ZMYND11: variants seen among roughly 807,000 people sequenced by gnomAD.
The protein encoded by ZMYND11 is zinc finger MYND-type containing 11, also known as zinc finger MYND domain-containing protein 11.
A neutral mutation model predicts 84.9 loss-of-function variants in ZMYND11; 9 were observed. The observed-to-expected ratio is 0.11, with a 90% CI of 0.06 to 0.18. The LOEUF (loss-of-function observed/expected upper bound fraction) is 0.18, where lower values mean the gene tolerates loss of function less well. Among genes scored for constraint, ZMYND11 ranks in the 10% least tolerant of loss-of-function variants. The probability of loss-of-function intolerance (pLI) is 1.00; values close to 1 mark genes in which losing one functional copy is unlikely to be tolerated. For missense variants in ZMYND11, 409 were observed against 761.0 expected (o/e 0.54, Z 5.44); for synonymous variants, 250 against 244.1 (o/e 1.02, Z -0.23).
chr10:160,618 A>G (rs1343042683), intron 1 of ZMYND11, among the ~76,000 whole-genome samples: 1 of 152,106 alleles, frequency 6.6e-6, no homozygotes, highest in Non-Finnish European at 1.5e-5. Flanking sequence ...CTCCAACCCT[A>G]CTGCTGCTTT....
Position 217,438 on chromosome 10 carries a change from G to T in ZMYND11, c.277-3757G>T, listed in dbSNP as rs1946369095. ...CTTGGGAAGCTGAGGCGCAAGAATTGCTGGAACCTGGGAGGCGGAGGTTGC... is the reference window on the plus strand; with the variant it reads ...CTTGGGAAGCTGAGGCGCAAGAATTTCTGGAACCTGGGAGGCGGAGGTTGC... On this transcript the variant is annotated intron_variant, in intron 3 of 14. Transcript: ENST00000381604. 1.3e-5 allele frequency among the ~76,000 whole-genome samples: 2 copies of T among 151,752 alleles called. 1 individual carries two copies. Among genetic ancestry groups the T allele is most frequent in the South Asian group, 4.2e-4 (2 of 4,810 alleles).
intron 1 of ZMYND11, among the ~76,000 whole-genome samples, chr10:159,929 T>C (rs1424989844): frequency 6.6e-6 from 1 of 152,206 alleles, no homozygotes; most frequent in Non-Finnish European, 1.5e-5. Flanking sequence ...CATCTGCAAA[T>C]AGAAGATGTT....
chr10:226,452 A>AT (rs1221036270), intron 4 of ZMYND11, among the ~76,000 whole-genome samples: 1 of 152,132 alleles, frequency 6.6e-6, no homozygotes, highest in East Asian at 1.9e-4. Flanking sequence ...GTAGGCCCCT[A>AT]TTTCCTCCTC....
chr10:210,669 A>C (rs1431315572), intron 3 of ZMYND11, among the ~76,000 whole-genome samples: 1 of 152,228 alleles, frequency 6.6e-6, no homozygotes, highest in Non-Finnish European at 1.5e-5. Context: ...TTGATATTTT[A>C]ATCTGCTTCT....
At chr10:195,102 C>G (rs532289700) in intron 2 of ZMYND11, among the ~76,000 whole-genome samples, 9 of 152,280 alleles carry the variant, frequency 5.9e-5, no homozygotes, top group Admixed American at 3.3e-4. Flanking sequence ...AAACTGACTT[C>G]TGAACTGCAA....
At chr10:234,982 ATG>A (rs60483060) in intron 4 of ZMYND11, among the ~76,000 whole-genome samples, 6,502 of 148,930 alleles carry the variant, frequency 0.044, 197 homozygotes, top group African/African-American at 0.085. Context: ...TATTTCGCAA[ATG>A]TGTGTGTGTG....
Position 176,079 on chromosome 10 carries a change from CTTAAG to C in ZMYND11, c.-19-3912_-19-3908del, listed in dbSNP as rs1374967938. 2.6e-5 allele frequency among the ~76,000 whole-genome samples: 4 copies of C among 152,200 alleles called. No homozygotes were observed. In the East Asian group the frequency reaches 5.8e-4, roughly 22 times the overall value. On this transcript the variant is annotated intron_variant, in intron 1 of 14. Transcript: ENST00000381604. ...AACTTCTTGTTTAATTTTGCTTATT[CTTAAG>C]TTTTTTTCTGACGTGTTTTCTCCTT...
intron 1 of ZMYND11, among the ~76,000 whole-genome samples, chr10:152,139 A>C (rs536554689): frequency 6.6e-6 from 1 of 152,372 alleles, no homozygotes; most frequent in Non-Finnish European, 1.5e-5. Context: ...CATCAATGCT[A>C]GGAAGAAACT....
chr10:247,531 G>C, intron 12 of ZMYND11, 65 bp downstream of exon 12: 1 of 1,536,464 alleles, frequency 6.5e-7, no homozygotes, highest in African/African-American at 1.4e-5. Flanking sequence ...AAAGTATTTT[G>C]TATTTTCAAA....
intron 1 of ZMYND11, among the ~76,000 whole-genome samples, chr10:154,060 T>G (rs1280879064): frequency 6.6e-6 from 1 of 152,210 alleles, no homozygotes; most frequent in African/African-American, 2.4e-5. Flanking sequence ...TCACCACACT[T>G]ACTGTTTAAT....
chr10:214,454 C>T (rs938116708), intron 3 of ZMYND11, among the ~76,000 whole-genome samples: 1 of 152,086 alleles, frequency 6.6e-6, no homozygotes, highest in African/African-American at 2.4e-5. Flanking sequence ...AAAGTAAATG[C>T]ATAAAAAATT....
Position 163,741 on chromosome 10 carries a change from A to G in ZMYND11, c.-19-16253A>G, listed in dbSNP as rs377495633. Among the ~76,000 whole-genome samples the G allele has an allele frequency of 1.5e-4, 23 of 152,174 alleles. 1 individual carries two copies. In the South Asian group the frequency reaches 3.9e-3, roughly 26 times the overall value. On this transcript the variant is annotated intron_variant, in intron 1 of 14. Coordinates refer to ENST00000381604, the MANE Select transcript of ZMYND11 (RefSeq NM_001370100.5). ...TTCTTTATTGAGAAGCTAGTCTCAA[A>G]TACCTGGTTATCTGTGGCTGTCTGT...
At chr10:159,372 C>G (rs1431051720) in intron 1 of ZMYND11, among the ~76,000 whole-genome samples, 1 of 152,078 alleles carries the variant, frequency 6.6e-6, no homozygotes, top group African/African-American at 2.4e-5. Context: ...GTATGAGAAT[C>G]CCTATTTCCC....
chr10:194,300 C>T lies in ZMYND11; in HGVS notation c.116+14172C>T, dbSNP rs541864051. On this transcript the variant is annotated intron_variant, in intron 2 of 14. Transcript: ENST00000381604. Reference sequence around the variant, plus strand: ...CGAACTCCTGGGCTCAGGCAGACTACCCACCTCAGCCTCCCAAAGTGCTGG... The same window carrying T: ...CGAACTCCTGGGCTCAGGCAGACTATCCACCTCAGCCTCCCAAAGTGCTGG... 4.6e-5 allele frequency among the ~76,000 whole-genome samples: 7 copies of T among 152,012 alleles called. No individual in the cohort carries two copies. The East Asian group carries it at 5.8e-4, about 13-fold the overall frequency.
chr10:176,135 G>A (rs1223517875), intron 1 of ZMYND11, among the ~76,000 whole-genome samples: 1 of 152,050 alleles, frequency 6.6e-6, no homozygotes, highest in Admixed American at 6.6e-5. Context: ...CCTCACCCCA[G>A]TTTGTGTAGA....
chr10:236,819 ATTCTT>A lies in ZMYND11; in HGVS notation c.439-16_439-12del, dbSNP rs1564436088. On this transcript the variant is annotated splice_polypyrimidine_tract_variant and intron_variant, in intron 4 of 14. Transcript: ENST00000381604. ...ATGATCAGATTTTGTACCTTTTTTT[ATTCTT>A]TTTTTTTCAATAGAGCATTAAGAAG... 6.3e-7 allele frequency: 1 copy of A among 1,596,572 alleles called. No homozygotes were observed. Among genetic ancestry groups the A allele is most frequent in the Admixed American group, 1.7e-5 (1 of 59,008 alleles).
chr10:238,979 C>G (rs1295580528), intron 6 of ZMYND11, among the ~76,000 whole-genome samples: 1 of 152,114 alleles, frequency 6.6e-6, no homozygotes, highest in Non-Finnish European at 1.5e-5. Context: ...AGCCCCAATT[C>G]AGAACTATAA....
At chr10:144,019 A>AC (rs782036412) in intron 1 of ZMYND11, among the ~76,000 whole-genome samples, 2 of 151,680 alleles carry the variant, frequency 1.3e-5, no homozygotes, top group Non-Finnish European at 2.9e-5. Context: ...AAAAAAAAAA[A>AC]AACTGCCATT....
At chr10:158,412 C>CTTTTT (rs372896551) in intron 1 of ZMYND11, among the ~76,000 whole-genome samples, 7 of 142,482 alleles carry the variant, frequency 4.9e-5, no homozygotes, top group Non-Finnish European at 7.6e-5. Flanking sequence ...TTGTCTTTTC[C>CTTTTT]TTTTTTTTTT....
Sources: allele counts gnomAD v4.1 joint callset (sites outside exome capture counted in the v4.1 genomes callset), GRCh38; gene constraint gnomAD v4.1.1; transcripts MANE v1.5; gene names NCBI Gene and HGNC (gene_info 2026-07-23, HGNC 2026-07-21).